Variants in CCDC18 observed in about 807,000 individuals in gnomAD.
CCDC18 encodes the protein coiled-coil domain-containing protein 18.
CCDC18 carries 157 observed loss-of-function variants against 196.0 expected under a neutral mutation model. That is an observed-to-expected ratio of 0.80 (90% CI 0.70 to 0.91). The LOEUF (loss-of-function observed/expected upper bound fraction) is 0.91, where lower values mean the gene tolerates loss of function less well. Among genes scored for constraint, CCDC18 ranks in the 40% least tolerant of loss-of-function variants. CCDC18 has a pLI of 0.00. For synonymous variants in CCDC18, 482 were observed against 529.2 expected, an observed-to-expected ratio of 0.91 and a Z score of 1.22; for missense variants, 1,465 against 1,611.6, an observed-to-expected ratio of 0.91 and a Z score of 1.56.
chr1:93,249,813 A>G (rs916229507), intron 23 of CCDC18, among the ~76,000 whole-genome samples: 15 of 152,188 alleles, frequency 9.9e-5, no homozygotes, highest in African/African-American at 3.6e-4. Flanking sequence ...CTTTAGGTGC[A>G]TTGTTTGTTT....
chr1:93,221,990 G>A, intron 16 of CCDC18, 54 bp downstream of exon 16: 2 of 1,119,388 alleles, frequency 1.8e-6, no homozygotes, highest in Non-Finnish European at 1.3e-6. Context: ...TTTTTTAACA[G>A]ACAGAATCTC....
intron 6 of CCDC18, among the ~76,000 whole-genome samples, chr1:93,201,496 C>G (rs1452322414): frequency 6.6e-6 from 1 of 151,918 alleles, no homozygotes; most frequent in Non-Finnish European, 1.5e-5. Context: ...TTGCAAAGGT[C>G]ACAGAATTTA....
Position 93,212,088 on chromosome 1 carries a change from T to C in CCDC18, c.1335-13T>C. 6.3e-7 allele frequency: 1 copy of C among 1,588,062 alleles called. No individual in the cohort carries two copies. Among genetic ancestry groups the C allele is most frequent in the Non-Finnish European group, 8.5e-7 (1 of 1,172,150 alleles). ...CTTTCTAATAATTTTTCCCTTCTTT[T>C]CTTTTGTGCCAGAATTAAGCTTGCA... On this transcript the variant is annotated splice_polypyrimidine_tract_variant and intron_variant, in intron 10 of 28. Coordinates refer to ENST00000690025, the MANE Select transcript of CCDC18 (RefSeq NM_001378204.1).
chr1:93,217,747 G>T lies in CCDC18; in HGVS notation c.1840G>T (p.Glu614Ter). Residue 614 changes from glutamate to a stop codon, truncating the protein, a stop_gained, in exon 14 of 29, where the codon GAA (glutamate) becomes TAA (stop). Coordinates refer to ENST00000690025, the MANE Select transcript of CCDC18 (RefSeq NM_001378204.1). LOFTEE classifies it high-confidence loss of function. ...ELEQELMEKNEKIRSLETNIN... is the reference protein window; with the variant it reads ...ELEQELMEKN ...TGTTTTGTGTTTCTAGGAAAAGAAT[G>T]AAAAGATAAGGAGTCTAGAAACCAA... 1 of 1,598,774 alleles carries T rather than the reference G, an allele frequency of 6.3e-7. No homozygotes were observed. The highest frequency in any genetic ancestry group is 1.1e-5 in the South Asian group (1 of 88,918).
Position 93,218,300 on chromosome 1 carries a change from A to G in CCDC18, c.1962+431A>G, listed in dbSNP as rs550072331. On this transcript the variant is annotated intron_variant, in intron 14 of 28. Coordinates refer to ENST00000690025, the MANE Select transcript of CCDC18 (RefSeq NM_001378204.1). ...AGAGACATTCCAAGACCTTCAGTGA[A>G]TGCCTGAAACCACAGATAGTACTGA... Among the ~76,000 whole-genome samples, 5 of 152,360 alleles carry G rather than the reference A, an allele frequency of 3.3e-5. No individual in the cohort carries two copies. In the South Asian group the frequency reaches 1.0e-3, roughly 32 times the overall value.
At chr1:93,258,137 G>GT (rs1480017500) in intron 25 of CCDC18, among the ~76,000 whole-genome samples, 5 of 151,332 alleles carry the variant, frequency 3.3e-5, no homozygotes, top group Non-Finnish European at 7.4e-5. Context: ...AAAGACATTT[G>GT]TAAGTGAACC....
At chr1:93,229,411 C>T (rs1476244793) in intron 17 of CCDC18, among the ~76,000 whole-genome samples, 1 of 152,126 alleles carries the variant, frequency 6.6e-6, no homozygotes, top group Non-Finnish European at 1.5e-5. Context: ...ATAATTAACA[C>T]CTTGTAACAG....
chr1:93,200,772 A>G (rs1440954036), intron 6 of CCDC18, among the ~76,000 whole-genome samples: 1 of 152,236 alleles, frequency 6.6e-6, no homozygotes, highest in Non-Finnish European at 1.5e-5. Flanking sequence ...TGGCTGAAAT[A>G]TGTCATTACT....
intron 6 of CCDC18, among the ~76,000 whole-genome samples, chr1:93,196,890 T>G (rs542349067): frequency 6.6e-6 from 1 of 152,226 alleles, no homozygotes; most frequent in Non-Finnish European, 1.5e-5. Context: ...AAATCCTGTA[T>G]GTTTGGAAAT....
intron 6 of CCDC18, among the ~76,000 whole-genome samples, chr1:93,197,912 T>C (rs1266442933): frequency 6.6e-6 from 1 of 151,858 alleles, no homozygotes; most frequent in Non-Finnish European, 1.5e-5. Context: ...CCACCATGCC[T>C]GGCTAATTTT....
intron 5 of CCDC18, among the ~76,000 whole-genome samples, chr1:93,192,617 T>C (rs1652017440): frequency 6.6e-6 from 1 of 152,160 alleles, no homozygotes; most frequent in South Asian, 2.1e-4. Context: ...ATTTTTTATT[T>C]TGTAGAGACA....
chr1:93,267,866 G>A (rs545536465), intron 27 of CCDC18, among the ~76,000 whole-genome samples: 30 of 152,210 alleles, frequency 2.0e-4, no homozygotes, highest in East Asian at 1.9e-3. Flanking sequence ...ACTGCCCAAG[G>A]TAATTTATAG....
At chr1:93,217,389 A>C (rs1213821853) in intron 13 of CCDC18, among the ~76,000 whole-genome samples, 1 of 152,208 alleles carries the variant, frequency 6.6e-6, no homozygotes, top group African/African-American at 2.4e-5. Context: ...TCTTTAAAGA[A>C]TGGAGTATGA....
At chr1:93,204,522 T>C (rs1008959661) in intron 7 of CCDC18, among the ~76,000 whole-genome samples, 1 of 152,086 alleles carries the variant, frequency 6.6e-6, no homozygotes, top group East Asian at 1.9e-4. Context: ...AATGATGAGT[T>C]AATAAAAGGA....
chr1:93,195,801 G>T (rs1652629912), intron 6 of CCDC18, among the ~76,000 whole-genome samples: 1 of 152,208 alleles, frequency 6.6e-6, no homozygotes. Flanking sequence ...CTCCGGAACT[G>T]TGAGAAATAC....
intron 4 of CCDC18, among the ~76,000 whole-genome samples, chr1:93,190,349 G>C (rs868765109): frequency 1.3e-5 from 2 of 152,098 alleles, no homozygotes; most frequent in Non-Finnish European, 2.9e-5. Flanking sequence ...TTAGCTGGGC[G>C]TGGTGATGTG....
chr1:93,249,885 A>G (rs1662000790), intron 23 of CCDC18, among the ~76,000 whole-genome samples: 1 of 152,130 alleles, frequency 6.6e-6, no homozygotes. Context: ...TTGGTACTGC[A>G]TTCACAGTAG....
At chr1:93,219,472 A>T (rs750804930) in intron 14 of CCDC18, among the ~76,000 whole-genome samples, 1 of 152,222 alleles carries the variant, frequency 6.6e-6, no homozygotes, top group Non-Finnish European at 1.5e-5. Flanking sequence ...AAGTAAAATA[A>T]GAGTTCCTTG....
At chr1:93,192,689 C>T (rs112524176) in intron 5 of CCDC18, among the ~76,000 whole-genome samples, 13,574 of 152,282 alleles carry the variant, frequency 0.089, 697 homozygotes, top group African/African-American at 0.13. Flanking sequence ...CGTCCTGCCT[C>T]GGCCTCCCAA....
Sources: allele counts gnomAD v4.1 joint callset (sites outside exome capture counted in the v4.1 genomes callset), GRCh38; gene constraint gnomAD v4.1.1; transcripts MANE v1.5; gene names NCBI Gene and HGNC (gene_info 2026-07-23, HGNC 2026-07-21).